Variants in TRIO observed in about 807,000 individuals in gnomAD.
TRIO encodes triple functional domain protein.
TRIO carries 58 observed loss-of-function variants against 351.9 expected under a neutral mutation model. The ratio of observed to expected loss-of-function variants is 0.16; its 90% CI spans 0.13 to 0.21. The LOEUF (loss-of-function observed/expected upper bound fraction) is 0.21. Among genes scored for constraint, TRIO ranks in the 10% least tolerant of loss-of-function variants. The pLI is 1.00. For synonymous variants in TRIO, 1,758 were observed against 1,595.7 expected (o/e 1.10, Z -2.42); for missense variants, 3,201 against 4,027.8 (o/e 0.79, Z 5.56).
intron 1 of TRIO, among the ~76,000 whole-genome samples, chr5:14,251,628 C>T (rs1186482942): frequency 6.6e-6 from 1 of 152,218 alleles, no homozygotes; most frequent in Non-Finnish European, 1.5e-5. Context: ...AGCATAGGCT[C>T]CTCACTGACT....
At chr5:14,467,730 C>T (rs1230414381) in intron 37 of TRIO, among the ~76,000 whole-genome samples, 2 of 152,022 alleles carry the variant, frequency 1.3e-5, no homozygotes, top group Non-Finnish European at 1.5e-5. Context: ...GGAGGATCAC[C>T]TGAGCCCAGG....
chr5:14,207,957 A>C (rs1283540232), intron 1 of TRIO, among the ~76,000 whole-genome samples: 2 of 152,150 alleles, frequency 1.3e-5, no homozygotes, highest in African/African-American at 4.8e-5. Flanking sequence ...AATTTAAATC[A>C]CAATGAAATA....
intron 9 of TRIO, among the ~76,000 whole-genome samples, chr5:14,319,092 A>G (rs2152307917): frequency 6.6e-6 from 1 of 152,300 alleles, no homozygotes; most frequent in East Asian, 1.9e-4. Flanking sequence ...GTAGAAAGGT[A>G]ATTATAATTA....
chr5:14,215,072 A>C (rs1792136601), intron 1 of TRIO, among the ~76,000 whole-genome samples: 1 of 152,228 alleles, frequency 6.6e-6, no homozygotes, highest in African/African-American at 2.4e-5. Context: ...TAGACTGTCT[A>C]GTTCAATAAT....
chr5:14,364,616 G>C, intron 14 of TRIO, 34 bp from the exon 15 acceptor site: 1 of 1,579,828 alleles, frequency 6.3e-7, no homozygotes, highest in Non-Finnish European at 8.6e-7. Flanking sequence ...TGAAGTGCTA[G>C]CTGAATTCTA....
chr5:14,202,142 G>T (rs1791156132), intron 1 of TRIO, among the ~76,000 whole-genome samples: 1 of 151,490 alleles, frequency 6.6e-6, no homozygotes, highest in Non-Finnish European at 1.5e-5. Context: ...GAAAAAAGGT[G>T]AAAAGTTCTG....
rs759769472 is a variant in TRIO at position 14,507,930 on chromosome 5, G to A, written c.8802G>A (p.Leu2934=). The change falls in exon 57 of 57, where the codon CTG becomes CTA. Residue 2934 remains leucine (L), a synonymous_variant. Transcript: ENST00000344204. ...DESLAKPTIK[L]ADFGDAVQLN... ...GTTTAGCCAAGCCAACCATCAAACT[G>A]GCTGACTTTGGAGATGCTGTTCAGC... The A allele has an allele frequency of 2.1e-5, 34 of 1,614,050 alleles. 1 individual carries two copies. Among genetic ancestry groups the A allele is most frequent in the Non-Finnish European group, 2.8e-5 (33 of 1,180,038 alleles).
At chr5:14,437,723 A>C (rs1751709738) in intron 34 of TRIO, among the ~76,000 whole-genome samples, 2 of 136,884 alleles carry the variant, frequency 1.5e-5, no homozygotes, top group African/African-American at 2.9e-5. Context: ...TAACTCTTTC[A>C]CCTCTTTAAA....
intron 28 of TRIO, among the ~76,000 whole-genome samples, chr5:14,395,249 T>A (rs1747459869): frequency 6.6e-6 from 1 of 152,240 alleles, no homozygotes; most frequent in African/African-American, 2.4e-5. Flanking sequence ...AAAATGCCGT[T>A]AAGTGATTAT....
chr5:14,278,542 G>T (rs118037001), intron 2 of TRIO, among the ~76,000 whole-genome samples: 1 of 152,248 alleles, frequency 6.6e-6, no homozygotes, highest in East Asian at 1.9e-4. Context: ...TTAAATAATA[G>T]GTACTGTATT....
intron 1 of TRIO, among the ~76,000 whole-genome samples, chr5:14,202,119 TAA>T (rs977159702): frequency 7.0e-6 from 1 of 142,552 alleles, no homozygotes. Context: ...AGGTATAATT[TAA>T]AAAAAAAAAA....
chr5:14,173,592 T>G (rs1373449918), intron 1 of TRIO, among the ~76,000 whole-genome samples: 1 of 152,048 alleles, frequency 6.6e-6, no homozygotes, highest in Non-Finnish European at 1.5e-5. Context: ...GCCCACTGTT[T>G]TTTGTTTTGT....
Position 14,487,720 on chromosome 5 carries a change from C to G in TRIO, c.7092C>G (p.Asp2364Glu), listed in dbSNP as rs760932079. The G allele has an allele frequency of 1.4e-6, 2 of 1,440,944 alleles. No individual in the cohort carries two copies. Among genetic ancestry groups the G allele is most frequent in the South Asian group, 1.4e-5 (1 of 72,330 alleles). The allele number at this position is 1,440,944 out of a possible 1,614,324, so 89.3% of individuals were successfully genotyped here. The change falls in exon 48 of 57, where the codon GAC becomes GAG. Residue 2364 changes from aspartate to glutamate, a missense_variant. Around this residue, in one of 19 missense-constraint regions of TRIO, gnomAD observed 1,089 missense variants for 954.9 expected, o/e 1.14. Coordinates refer to ENST00000344204, the MANE Select transcript of TRIO (RefSeq NM_007118.4). ...CAGCCTCGAGCCAGGCAGAGGCAGA[C>G]AAGATGTCAGGTACGTCCACCCCCG... ...SSAASSQAEA[D>E]KMSGTSTPGP...
At chr5:14,273,731 T>C (rs1735241353) in intron 2 of TRIO, among the ~76,000 whole-genome samples, 1 of 152,234 alleles carries the variant, frequency 6.6e-6, no homozygotes. Flanking sequence ...TTATATTTAA[T>C]GGAGTTTGCG....
chr5:14,388,337 G>A (rs896081521), intron 23 of TRIO, among the ~76,000 whole-genome samples: 2 of 152,156 alleles, frequency 1.3e-5, no homozygotes, highest in East Asian at 1.9e-4. Context: ...CAGTGCAGAG[G>A]GCAGCCCCAC....
chr5:14,377,952 T>A lies in TRIO; in HGVS notation c.3332-60T>A, dbSNP rs1404780411. On this transcript the variant is annotated intron_variant, in intron 19 of 56. Coordinates refer to ENST00000344204, the MANE Select transcript of TRIO (RefSeq NM_007118.4). The stretch of plus-strand genomic sequence containing the variant: ...AAGTCTAAATAAAAATGAATGGAAT[T>A]TCGCGGTTGTTTTAATTGATTGCAA... 4 of 1,281,062 alleles carry A rather than the reference T, an allele frequency of 3.1e-6. No homozygotes were observed. The Admixed American group carries it at 7.9e-5, about 25-fold the overall frequency. The allele number at this position is 1,281,062 out of a possible 1,614,324, so 79.4% of individuals were successfully genotyped here.
intron 6 of TRIO, among the ~76,000 whole-genome samples, chr5:14,293,580 A>T (rs1258109516): frequency 6.6e-6 from 1 of 152,152 alleles, no homozygotes; most frequent in African/African-American, 2.4e-5. Context: ...GAGGCATGAG[A>T]TTTCCTTCCA....
At chr5:14,352,583 A>ATTCATCCC (rs1561379494) in intron 11 of TRIO, among the ~76,000 whole-genome samples, 1 of 152,244 alleles carries the variant, frequency 6.6e-6, no homozygotes, top group Non-Finnish European at 1.5e-5. Context: ...ATGTGTGCCC[A>ATTCATCCC]TTCATCCCCA....
rs561395440 is a variant in TRIO at position 14,406,193 on chromosome 5, G to A, written c.4859+203G>A. 1.7e-4 allele frequency: 130 copies of A among 776,160 alleles called. 1 individual carries two copies. Among genetic ancestry groups the A allele is most frequent in the Non-Finnish European group, 2.4e-4 (119 of 503,390 alleles). The allele number at this position is 776,160 out of a possible 1,614,324, so 48.1% of individuals were successfully genotyped here. A position where few individuals can be genotyped will look rare whatever the true frequency, so the allele number is the denominator to read the frequency against. ...CCTCTATTGGCTTAGAGTAAACGAA[G>A]GGCTGTGTGCAAACCTCTCATTGTT... is the stretch of plus-strand genomic sequence containing the variant. On this transcript the variant is annotated intron_variant, in intron 32 of 56. Transcript: ENST00000344204.
Sources: allele counts gnomAD v4.1 joint callset (sites outside exome capture counted in the v4.1 genomes callset), GRCh38; gene constraint gnomAD v4.1.1; regional missense constraint gnomAD v4.1.1; transcripts MANE v1.5; gene names NCBI Gene and HGNC (gene_info 2026-07-23, HGNC 2026-07-21).